The following TENT4A variants were observed in gnomAD, a reference collection of about 807,000 sequenced individuals.
TENT4A encodes terminal nucleotidyltransferase 4A, also known as DNA polymerase kappa.
In TENT4A, 7 loss-of-function variants were observed where a neutral mutation model predicts 72.8. The ratio of observed to expected loss-of-function variants is 0.10; its 90% confidence interval spans 0.05 to 0.18. The LOEUF is 0.18. Among genes scored for constraint, TENT4A ranks in the 10% least tolerant of loss-of-function variants. The pLI, the probability that TENT4A is intolerant of heterozygous loss-of-function variation, is 1.00. For synonymous variants in TENT4A, 456 were observed against 434.3 expected (o/e 1.05, Z -0.62); for missense variants, 831 against 1,017.7 (o/e 0.82, Z 2.50).
chr5:6,725,094 G>A (rs1248384084), intron 1 of TENT4A, among the ~76,000 whole-genome samples: 1 of 152,188 alleles, frequency 6.6e-6, no homozygotes, highest in Non-Finnish European at 1.5e-5. Flanking sequence ...GGCCAAGGAG[G>A]GCGGATCACA....
At chr5:6,725,344 C>T (rs556022822) in intron 1 of TENT4A, among the ~76,000 whole-genome samples, 109 of 152,070 alleles carry the variant, frequency 7.2e-4, no homozygotes, top group African/African-American at 2.4e-3. Context: ...AAAAAGAAAA[C>T]AATTATGCTG....
At chr5:6,720,124 T>C (rs1287912481) in intron 1 of TENT4A, among the ~76,000 whole-genome samples, 1 of 152,184 alleles carries the variant, frequency 6.6e-6, no homozygotes, top group Non-Finnish European at 1.5e-5. Flanking sequence ...CAAGGTACTT[T>C]GAATTTCTCT....
intron 6 of TENT4A, among the ~76,000 whole-genome samples, chr5:6,745,468 A>G (rs993050179): frequency 1.3e-5 from 2 of 152,198 alleles, no homozygotes; most frequent in Non-Finnish European, 2.9e-5. Flanking sequence ...AGGGCGCCAC[A>G]TGTGGCTACT....
chr5:6,728,613 C>A (rs950192470), intron 1 of TENT4A, among the ~76,000 whole-genome samples: 1 of 152,166 alleles, frequency 6.6e-6, no homozygotes, highest in African/African-American at 2.4e-5. Flanking sequence ...TTTAGCCATG[C>A]GGGGCTAGGA....
At chr5:6,742,935 G>T (rs1277114927) in intron 5 of TENT4A, among the ~76,000 whole-genome samples, 1 of 151,900 alleles carries the variant, frequency 6.6e-6, no homozygotes, top group Non-Finnish European at 1.5e-5. Context: ...AAATCATGAG[G>T]TGCCTTAAAT....
intron 7 of TENT4A, among the ~76,000 whole-genome samples, chr5:6,746,636 C>G (rs537474110): frequency 6.6e-6 from 1 of 152,176 alleles, no homozygotes; most frequent in Non-Finnish European, 1.5e-5. Flanking sequence ...TGTTTACATT[C>G]TATAATAAAG....
rs984176151 is a variant in TENT4A, at chr5:6,755,078, C to T, written c.*133C>T. 4.4e-6 allele frequency: 3 copies of T among 675,998 alleles called. No homozygotes were observed. The highest frequency in any genetic ancestry group is 7.0e-6 in the Non-Finnish European group (3 of 427,930). The allele number at this position is 675,998 out of a possible 1,614,324, so 41.9% of individuals were successfully genotyped here. A position where few individuals can be genotyped will look rare whatever the true frequency, so the allele number is the denominator to read the frequency against. On this transcript the variant is annotated 3_prime_UTR_variant, in exon 13 of 13. Coordinates refer to ENST00000230859, the MANE Select transcript of TENT4A (RefSeq NM_006999.6). ...GGCACGCCCGCCGCTGATCACTCTG[C>T]ATGTTTCTTCGTGTGGTGGTCGCGT...
intron 4 of TENT4A, 68 bp downstream of exon 4, chr5:6,739,920 A>AGTAT (rs1413700054): frequency 4.0e-6 from 6 of 1,492,420 alleles, no homozygotes; most frequent in Non-Finnish European, 5.6e-6. Context: ...GTCACAGGAT[A>AGTAT]CGCCTGCGTC....
At chr5:6,732,378 A>G (rs1470017914) in intron 1 of TENT4A, among the ~76,000 whole-genome samples, 2 of 152,230 alleles carry the variant, frequency 1.3e-5, no homozygotes, top group Non-Finnish European at 2.9e-5. Context: ...TTTATTAGCT[A>G]TGGAATAATA....
intron 1 of TENT4A, among the ~76,000 whole-genome samples, chr5:6,732,574 T>C (rs1458156072): frequency 6.6e-6 from 1 of 152,204 alleles, no homozygotes; most frequent in Non-Finnish European, 1.5e-5. Context: ...GTCATTACCT[T>C]TCGATGGGTT....
chr5:6,743,470 A>G (rs1332910038), intron 5 of TENT4A, among the ~76,000 whole-genome samples: 2 of 152,150 alleles, frequency 1.3e-5, no homozygotes, highest in Non-Finnish European at 2.9e-5. Context: ...TCGTCATGGT[A>G]GGGGTGCACC....
Position 6,750,136 on chromosome 5 carries a change from T to C in TENT4A, c.1688-195T>C, listed in dbSNP as rs961750060. 5.9e-5 allele frequency among the ~76,000 whole-genome samples: 9 copies of C among 152,254 alleles called. No homozygotes were observed. The East Asian group carries it at 1.2e-3, about 20-fold the overall frequency. On this transcript the variant is annotated intron_variant, in intron 9 of 12. Coordinates refer to ENST00000230859, the MANE Select transcript of TENT4A (RefSeq NM_006999.6). ...GAAGATGATTTGCATACCCAAGTTA[T>C]TACAAACATGTTTAATGTTTTCCAA... is the stretch of plus-strand genomic sequence containing the variant.
intron 5 of TENT4A, among the ~76,000 whole-genome samples, chr5:6,742,987 G>A (rs910973552): frequency 6.6e-6 from 1 of 152,172 alleles, no homozygotes; most frequent in African/African-American, 2.4e-5. Flanking sequence ...GATGGGCAGA[G>A]AGACTTGGTT....
Position 6,714,619 on chromosome 5 carries a change from C to G in TENT4A, c.636C>G (p.Ser212Arg). 1 of 1,198,222 alleles carries G rather than the reference C, an allele frequency of 8.3e-7. No homozygotes were observed. Among genetic ancestry groups the G allele is most frequent in the Non-Finnish European group, 1.0e-6 (1 of 966,168 alleles). 74.2% of individuals were successfully genotyped at this position (1,198,222 alleles called of 1,614,324 possible). Residue 212 changes from serine to arginine, a missense_variant, in exon 1 of 13, where the codon AGC becomes AGG. Ser to Arg is a moderately radical substitution (Grantham distance 110, BLOSUM62 -1). Transcript: ENST00000230859. ...CCGGCAGCCGCGCGGCCGCTCTCAG[C>G]GGAGGGGGCGGCCCCGGGGCCCAGG... ...LLSGSRAAAL[S>R]GGGGPGAQAP...
intron 9 of TENT4A, among the ~76,000 whole-genome samples, chr5:6,749,971 TTAAGA>T (rs530031653): frequency 8.5e-5 from 13 of 152,296 alleles, no homozygotes; most frequent in Admixed American, 5.9e-4. Context: ...ATAAAAATAA[TTAAGA>T]TATTTTATAG....
chr5:6,737,766 G>GCACA, intron 2 of TENT4A, 133 bp downstream of exon 2: 6 of 985,052 alleles, frequency 6.1e-6, no homozygotes, highest in Non-Finnish European at 8.7e-6. Flanking sequence ...CTCCAAGTGT[G>GCACA]CTTTGAGAAG....
Position 6,752,895 on chromosome 5 carries a change from C to G in TENT4A, c.2042C>G (p.Pro681Arg), listed in dbSNP as rs374089909. 43 of 1,613,850 alleles carry G rather than the reference C, an allele frequency of 2.7e-5. No homozygotes were observed. The highest frequency in any genetic ancestry group is 3.5e-5 in the Non-Finnish European group (41 of 1,179,912). Residue 681 changes from proline (P) to arginine (R), a missense_variant, in exon 12 of 13, where the codon CCG becomes CGG. By Grantham distance (103) the Pro-to-Arg change is moderately radical (BLOSUM62 -2). Coordinates refer to ENST00000230859, the MANE Select transcript of TENT4A (RefSeq NM_006999.6). ...TAGACCAGGTTTACTATACCTCCAC[C>G]GACCCTAGGGGTTGCTCCTGTTCCT... ...NNQTRFTIPP[P>R]TLGVAPVPCR...
At chr5:6,738,587 A>G in intron 2 of TENT4A, 96 bp from the exon 3 acceptor site, 1 of 882,704 alleles carries the variant, frequency 1.1e-6, no homozygotes, top group African/African-American at 1.7e-5. Flanking sequence ...TTTTTTACCC[A>G]AGGGTATAGT....
chr5:6,724,668 T>C (rs1254328156), intron 1 of TENT4A, among the ~76,000 whole-genome samples: 2 of 152,096 alleles, frequency 1.3e-5, no homozygotes, highest in Non-Finnish European at 2.9e-5. Context: ...AAAAGCGCGT[T>C]TTAGGATTGG....
Sources: allele counts gnomAD v4.1 joint callset (sites outside exome capture counted in the v4.1 genomes callset), GRCh38; gene constraint gnomAD v4.1.1; transcripts MANE v1.5; gene names NCBI Gene and HGNC (gene_info 2026-07-23, HGNC 2026-07-21).